Variants in SLC24A2 observed in about 807,000 individuals in gnomAD.
SLC24A2 encodes sodium/potassium/calcium exchanger 2.
Under a neutral mutation model 62.0 loss-of-function variants are expected in SLC24A2, and 36 were observed. The observed-to-expected ratio is 0.58, with a 90% CI of 0.44 to 0.77. The LOEUF (loss-of-function observed/expected upper bound fraction) is 0.77. Ranked by LOEUF, SLC24A2 falls within the 30% of genes least tolerant of loss-of-function variation. The pLI is 0.00. For missense variants in SLC24A2, 846 were observed against 817.9 expected (o/e 1.03, Z -0.42); for synonymous variants, 358 against 294.0 (o/e 1.22, Z -2.23).
intron 4 of SLC24A2, among the ~76,000 whole-genome samples, chr9:19,610,179 G>A (rs1837112655): frequency 6.6e-6 from 1 of 151,328 alleles, no homozygotes; most frequent in African/African-American, 2.4e-5. Context: ...TTGTTACAAT[G>A]AAAAAATGTA....
In SLC24A2 at chr9:19,549,566, T is replaced by C. The variant is rs557376999; in HGVS notation, c.1479+571A>G. On this transcript the variant is annotated intron_variant, in intron 8 of 10. Coordinates refer to ENST00000341998, the MANE Select transcript of SLC24A2 (RefSeq NM_020344.4). ...ACATTTCACTATCCTGAGGCTACCATGCTGTGAGGAAGCCCAAGTCACATG... is the reference window on the plus strand; with the variant it reads ...ACATTTCACTATCCTGAGGCTACCACGCTGTGAGGAAGCCCAAGTCACATG... 2.6e-5 allele frequency among the ~76,000 whole-genome samples: 4 copies of C among 152,310 alleles called. No homozygotes were observed. In the East Asian group the frequency reaches 7.7e-4, roughly 29 times the overall value.
chr9:20,260,845 C>CTTTTTTT, the SLC24A2 span, among the ~76,000 whole-genome samples: 974 of 110,288 alleles, frequency 8.8e-3, 48 homozygotes, highest in African/African-American at 0.02. Flanking sequence ...ACGTATCATT[C>CTTTTTTT]TTTCTTTTTT....
At chr9:20,301,570 AG>A in the SLC24A2 span, among the ~76,000 whole-genome samples, 1 of 151,694 alleles carries the variant, frequency 6.6e-6, no homozygotes, top group Non-Finnish European at 1.5e-5. Flanking sequence ...AGACTTTAAA[AG>A]AAATTAAAGC....
intron 4 of SLC24A2, among the ~76,000 whole-genome samples, chr9:19,607,895 T>C (rs113266582): frequency 5.3e-5 from 8 of 152,190 alleles, no homozygotes; most frequent in Admixed American, 1.3e-4. Flanking sequence ...CATTAATTTA[T>C]AATGTGTACA....
chr9:20,062,969 G>A, the SLC24A2 span, among the ~76,000 whole-genome samples: 25,408 of 83,526 alleles, frequency 0.3, 6,325 homozygotes, highest in East Asian at 0.57. Flanking sequence ...TTAGAATGAC[G>A]ATCATTAAAA....
At chr9:19,560,190 A>C (rs1476589588) in intron 7 of SLC24A2, among the ~76,000 whole-genome samples, 2 of 152,112 alleles carry the variant, frequency 1.3e-5, no homozygotes, top group Admixed American at 1.3e-4. Context: ...GGAAGAAGAA[A>C]AACCGTTAGA....
chr9:20,036,825 C>T, the SLC24A2 span, among the ~76,000 whole-genome samples: 55,423 of 151,668 alleles, frequency 0.37, 11,585 homozygotes, highest in East Asian at 0.88. Flanking sequence ...CCTATGCACA[C>T]ACATATATAT....
chr9:19,801,836 GT>G, the SLC24A2 span, among the ~76,000 whole-genome samples: 821 of 151,010 alleles, frequency 5.4e-3, 8 homozygotes, highest in African/African-American at 0.018. Flanking sequence ...AATAATCACT[GT>G]TTTTTTTTCT....
At chr9:20,023,969 A>C in the SLC24A2 span, among the ~76,000 whole-genome samples, 1 of 152,328 alleles carries the variant, frequency 6.6e-6, no homozygotes, top group East Asian at 1.9e-4. Context: ...CATAAGAAAG[A>C]GTGAAAAGAA....
intron 7 of SLC24A2, among the ~76,000 whole-genome samples, chr9:19,569,096 T>C (rs1208495664): frequency 6.6e-6 from 1 of 152,206 alleles, no homozygotes; most frequent in African/African-American, 2.4e-5. Flanking sequence ...TTAAGACAGA[T>C]GGTTGAAACT....
the SLC24A2 span, among the ~76,000 whole-genome samples, chr9:19,995,021 G>A: frequency 0.52 from 79,156 of 151,398 alleles, 21,676 homozygotes; most frequent in Non-Finnish European, 0.59. Flanking sequence ...ATGCCATGGC[G>A]ATTTAATTTG....
the SLC24A2 span, among the ~76,000 whole-genome samples, chr9:20,295,593 G>A: frequency 2.6e-5 from 4 of 151,984 alleles, no homozygotes; most frequent in African/African-American, 7.3e-5. Flanking sequence ...ATCAGCCAAA[G>A]GCCCTGAACA....
chr9:20,169,818 C>T, the SLC24A2 span, among the ~76,000 whole-genome samples: 8 of 151,854 alleles, frequency 5.3e-5, no homozygotes, highest in Non-Finnish European at 8.8e-5. Flanking sequence ...AGCAATGGTT[C>T]CAAACCAAGA....
At chr9:19,713,598 C>A (rs1037773599) in intron 2 of SLC24A2, among the ~76,000 whole-genome samples, 1 of 136,796 alleles carries the variant, frequency 7.3e-6, no homozygotes, top group Non-Finnish European at 1.6e-5. Context: ...AGCAAAAGAC[C>A]TTTTGATAAT....
At chr9:19,773,461 A>G (rs902690115) in intron 2 of SLC24A2, among the ~76,000 whole-genome samples, 10 of 152,214 alleles carry the variant, frequency 6.6e-5, no homozygotes, top group African/African-American at 2.4e-4. Context: ...CCACACTTGC[A>G]ACCTGAGGGG....
chr9:19,606,546 T>G (rs551841051), intron 4 of SLC24A2, among the ~76,000 whole-genome samples: 1 of 152,232 alleles, frequency 6.6e-6, no homozygotes, highest in Non-Finnish European at 1.5e-5. Flanking sequence ...CAGAGTCTTG[T>G]CTACAGTGGG....
At chr9:19,660,517 G>A (rs1819065107) in intron 2 of SLC24A2, among the ~76,000 whole-genome samples, 1 of 152,134 alleles carries the variant, frequency 6.6e-6, no homozygotes, top group Non-Finnish European at 1.5e-5. Context: ...GGGAAAATTG[G>A]GAAGGACTGC....
At chr9:19,771,074 C>T (rs762896060) in intron 2 of SLC24A2, among the ~76,000 whole-genome samples, 5 of 152,076 alleles carry the variant, frequency 3.3e-5, no homozygotes, top group East Asian at 3.9e-4. Context: ...TTGGGGCTGC[C>T]GAGAGAAGGA....
chr9:20,237,513 G>A, the SLC24A2 span, among the ~76,000 whole-genome samples: 1 of 152,170 alleles, frequency 6.6e-6, no homozygotes, highest in Admixed American at 6.5e-5. Flanking sequence ...AAGAAGAAAG[G>A]AAGAAACTTG....
Sources: allele counts gnomAD v4.1 joint callset (sites outside exome capture counted in the v4.1 genomes callset), GRCh38; gene constraint gnomAD v4.1.1; transcripts MANE v1.5; gene names NCBI Gene and HGNC (gene_info 2026-07-23, HGNC 2026-07-21).